Variants in ZNF551 observed in about 807,000 individuals in gnomAD.
ZNF551 encodes the protein zinc finger protein 551, also known as KOX 23 protein (56 AA).
In ZNF551, 5 loss-of-function variants were observed where a neutral mutation model predicts 7.9. That is an observed-to-expected ratio of 0.63 (90% CI 0.33 to 1.33). The LOEUF is 1.33. Ranked by LOEUF, ZNF551 falls within the 40% of genes most tolerant of loss-of-function variation. ZNF551 has a pLI of 0.05. For synonymous variants in ZNF551, 287 were observed against 277.3 expected (o/e 1.03, Z -0.35); for missense variants, 788 against 825.2 (o/e 0.95, Z 0.55).
chr19:57,684,855 A>G (rs1185935230), intron 1 of ZNF551, among the ~76,000 whole-genome samples: 3 of 152,176 alleles, frequency 2.0e-5, no homozygotes, highest in Admixed American at 6.5e-5. Context: ...ACTGAGGGCC[A>G]TATGGGTGAA....
chr19:57,684,107 C>T (rs1261208188), intron 1 of ZNF551, among the ~76,000 whole-genome samples: 1 of 152,094 alleles, frequency 6.6e-6, no homozygotes. Flanking sequence ...ATCTGAGATC[C>T]ACAGGTGATT....
intron 1 of ZNF551, among the ~76,000 whole-genome samples, chr19:57,684,787 C>T (rs1229226158): frequency 1.3e-5 from 2 of 152,080 alleles, no homozygotes; most frequent in South Asian, 2.1e-4. Flanking sequence ...TGTGGGAATG[C>T]AGCTGTGTGA....
Position 57,686,964 on chromosome 19 carries a change from A to G in ZNF551, c.689A>G (p.Lys230Arg). The G allele has an allele frequency of 6.2e-7, 1 of 1,614,192 alleles. No homozygotes were observed. Among genetic ancestry groups the G allele is most frequent in the Non-Finnish European group, 8.5e-7 (1 of 1,180,042 alleles). The change falls in exon 3 of 3, where the codon AAA becomes AGA. Residue 230 changes from lysine (K) to arginine (R), a missense_variant. By Grantham distance (26) the Lys-to-Arg change is conservative (BLOSUM62 2). Transcript: ENST00000282296. ...TATTACAAGTGGGGTGAATACAGAA[A>G]AGCTTCAAGCCACAAACACACACTT... ...KSYYKWGEYRKASSHKHTLVQ... is the reference protein window; with the variant it reads ...KSYYKWGEYRRASSHKHTLVQ...
chr19:57,687,245 C>G lies in ZNF551; in HGVS notation c.970C>G (p.His324Asp). Residue 324 changes from histidine to aspartate, a missense_variant, in exon 3 of 3, where the codon CAC becomes GAC. Physicochemically the swap from His to Asp is moderately conservative, Grantham distance 81 (BLOSUM62 -1). Coordinates refer to ENST00000282296, the MANE Select transcript of ZNF551 (RefSeq NM_138347.5). ...KAFIHKSEFIHHQRRHTGGVR... is the reference protein window; with the variant it reads ...KAFIHKSEFIDHQRRHTGGVR... ...CTTTATCCATAAATCTGAATTCATT[C>G]ACCACCAGAGACGTCACACTGGAGG... is the stretch of plus-strand genomic sequence containing the variant. 1.9e-6 allele frequency: 3 copies of G among 1,614,160 alleles called. No individual in the cohort carries two copies. The highest frequency in any genetic ancestry group is 2.5e-6 in the Non-Finnish European group (3 of 1,180,024).
Position 57,682,243 on chromosome 19 carries a change from A to G in ZNF551, c.80A>G (p.Gln27Arg). 6.5e-7 allele frequency: 1 copy of G among 1,550,356 alleles called. No individual in the cohort carries two copies. Residue 27 changes from glutamine to arginine, a missense_variant and splice_region_variant, in exon 1 of 3, where the codon CAG becomes CGG. Physicochemically the swap from Gln to Arg is conservative, Grantham distance 43. Transcript: ENST00000282296. ...MAAVALRDSA[Q>R]GMTFEDVAIY... ...GCAGTCGCGCTGAGGGACTCGGCTC[A>G]GGTGAGTTGTGCGTCCTCCGGGTCT... is the stretch of plus-strand genomic sequence containing the variant.
Position 57,688,489 on chromosome 19 carries a change from T to G in ZNF551, c.*201T>G. ...AGCCTGATTTATGTCACTGCCAATT[T>G]CTGAGGCTGAAGCCATTTCACATTT... On this transcript the variant is annotated 3_prime_UTR_variant, in exon 3 of 3. Coordinates refer to ENST00000282296, the MANE Select transcript of ZNF551 (RefSeq NM_138347.5). The G allele has an allele frequency of 1.4e-6, 1 of 714,490 alleles. No homozygotes were observed. Among genetic ancestry groups the G allele is most frequent in the Non-Finnish European group, 2.2e-6 (1 of 448,708 alleles). 44.3% of individuals were successfully genotyped at this position (714,490 alleles called of 1,614,324 possible). A position where few individuals can be genotyped will look rare whatever the true frequency, so the allele number is the denominator to read the frequency against.
Position 57,687,234 on chromosome 19 carries a change from C to A in ZNF551, c.959C>A (p.Ser320Tyr), listed in dbSNP as rs751751404. The A allele has an allele frequency of 5.0e-6, 8 of 1,614,146 alleles. No individual in the cohort carries two copies. The highest frequency in any genetic ancestry group is 3.3e-5 in the Admixed American group (2 of 60,018). Residue 320 changes from serine (S) to tyrosine (Y), a missense_variant, in exon 3 of 3, where the codon TCT becomes TAT. By Grantham distance (144) the Ser-to-Tyr change is moderately radical. Coordinates refer to ENST00000282296, the MANE Select transcript of ZNF551 (RefSeq NM_138347.5). ...CGTGAGAAAGCCTTTATCCATAAAT[C>A]TGAATTCATTCACCACCAGAGACGT... Reference protein sequence around the residue: ...SDREKAFIHKSEFIHHQRRHT... With the variant: ...SDREKAFIHKYEFIHHQRRHT...
rs981094662 is a variant in ZNF551 at position 57,685,874 on chromosome 19, C to T, written c.205+489C>T. ...ATCATGGTTGTATTAGAATCATATC[C>T]GGAACCTGTGATGTGTCCAGCAGTA... is the stretch of plus-strand genomic sequence containing the variant. On this transcript the variant is annotated intron_variant, in intron 2 of 2. Transcript: ENST00000282296. 4.6e-5 allele frequency among the ~76,000 whole-genome samples: 7 copies of T among 152,306 alleles called. No individual in the cohort carries two copies. In the East Asian group the frequency reaches 7.7e-4, roughly 17 times the overall value.
rs763790829 is a variant in ZNF551 at position 57,688,177 on chromosome 19, A to G, written c.1902A>G (p.Gln634=). The G allele has an allele frequency of 1.4e-5, 23 of 1,611,106 alleles. No individual in the cohort carries two copies. The highest frequency in any genetic ancestry group is 1.9e-5 in the Non-Finnish European group (22 of 1,179,108). ...ACAAATCAGACCTTATTCAGCACCA[A>G]AGAGTTCACACTGGAGAAAGGCCTT... ...FTHKSDLIQH[Q]RVHTGERPYE... is the part of the protein sequence containing the mutation. Residue 634 remains glutamine (Q), a synonymous_variant, in exon 3 of 3, where the codon CAA becomes CAG. Coordinates refer to ENST00000282296, the MANE Select transcript of ZNF551 (RefSeq NM_138347.5).
At chr19:57,682,924 A>G (rs778952311) in intron 1 of ZNF551, among the ~76,000 whole-genome samples, 1 of 152,268 alleles carries the variant, frequency 6.6e-6, no homozygotes, top group African/African-American at 2.4e-5. Flanking sequence ...AGGTTGTCCA[A>G]GGCAAAGTTA....
chr19:57,683,064 C>G (rs1231235509), intron 1 of ZNF551, among the ~76,000 whole-genome samples: 1 of 152,126 alleles, frequency 6.6e-6, no homozygotes, highest in African/African-American at 2.4e-5. Flanking sequence ...GTTGAGTTGT[C>G]TATTCGTTAC....
In ZNF551 at chr19:57,686,873, C is replaced by G; in HGVS notation, c.598C>G (p.Pro200Ala). The G allele has an allele frequency of 1.9e-6, 3 of 1,614,204 alleles. No homozygotes were observed. Among genetic ancestry groups the G allele is most frequent in the Non-Finnish European group, 2.5e-6 (3 of 1,180,020 alleles). Reference protein sequence around the residue: ...PTDLLQHEATPSGEEPHSSSS... With the variant: ...PTDLLQHEATASGEEPHSSSS... ...GGACCTACTCCAACACGAAGCCACT[C>G]CCAGTGGTGAGGAGCCACACAGTAG... is the stretch of plus-strand genomic sequence containing the variant. The change falls in exon 3 of 3, where the codon CCC becomes GCC. Residue 200 changes from proline to alanine, a missense_variant. Coordinates refer to ENST00000282296, the MANE Select transcript of ZNF551 (RefSeq NM_138347.5).
chr19:57,688,381 A>G lies in ZNF551; in HGVS notation c.*93A>G. 6.7e-7 allele frequency: 1 copy of G among 1,492,692 alleles called. No homozygotes were observed. Among genetic ancestry groups the G allele is most frequent in the South Asian group, 1.3e-5 (1 of 76,564 alleles). The allele number at this position is 1,492,692 out of a possible 1,614,324, so 92.5% of individuals were successfully genotyped here. A position where few individuals can be genotyped will look rare whatever the true frequency, so the allele number is the denominator to read the frequency against. On this transcript the variant is annotated 3_prime_UTR_variant, in exon 3 of 3. Transcript: ENST00000282296. ...TCGTAAATTTAAACTTTGAGCACCC[A>G]CAGTGGGGTATTCTTCATAAGTTTC...
In ZNF551 at chr19:57,688,207, A is replaced by G. The variant is rs1163970866; in HGVS notation, c.1932A>G (p.Glu644=). 1.9e-6 allele frequency: 3 copies of G among 1,614,184 alleles called. No individual in the cohort carries two copies. In the African/African-American group the frequency reaches 4.0e-5, roughly 22 times the overall value. Residue 644 remains glutamate, a synonymous_variant, in exon 3 of 3, where the codon GAA becomes GAG. Coordinates refer to ENST00000282296, the MANE Select transcript of ZNF551 (RefSeq NM_138347.5). ...TTCACACTGGAGAAAGGCCTTATGA[A>G]TGCAGTGAATGTGGGAAATCCTTTA... is the stretch of plus-strand genomic sequence containing the variant. ...QRVHTGERPY[E]CSECGKSFSR...
In ZNF551 at chr19:57,688,260, G is replaced by A. The variant is rs116196856; in HGVS notation, c.1985G>A (p.Arg662Gln). Reference protein sequence around the residue: ...FSRKSNLIRHRRVHTEERP With the variant: ...FSRKSNLIRHQRVHTEERP ...CGCAAATCTAACCTCATTCGACATCGGAGAGTTCACACTGAAGAAAGGCCT... is the reference window on the plus strand; with the variant it reads ...CGCAAATCTAACCTCATTCGACATCAGAGAGTTCACACTGAAGAAAGGCCT... Residue 662 changes from arginine (R) to glutamine (Q), a missense_variant, in exon 3 of 3, where the codon CGG becomes CAG. By Grantham distance (43) the Arg-to-Gln change is conservative (BLOSUM62 1). Transcript: ENST00000282296. 677 of 1,614,114 alleles carry A rather than the reference G, an allele frequency of 4.2e-4. 4 individuals carry two copies. In the African/African-American group the frequency reaches 7.9e-3, roughly 19 times the overall value.
chr19:57,686,510 A>G lies in ZNF551; in HGVS notation c.235A>G (p.Ile79Val). 1 of 1,609,852 alleles carries G rather than the reference A, an allele frequency of 6.2e-7. No homozygotes were observed. Among genetic ancestry groups the G allele is most frequent in the African/African-American group, 1.3e-5 (1 of 74,954 alleles). The change falls in exon 3 of 3, where the codon ATA becomes GTA. Residue 79 changes from isoleucine to valine, a missense_variant. Ile to Val is a conservative substitution (Grantham distance 29). Coordinates refer to ENST00000282296, the MANE Select transcript of ZNF551 (RefSeq NM_138347.5). The part of the protein sequence containing the change: ...GYCHGMENEA[I>V]ASEQSVSIQV... ...TTGCCATGGAATGGAGAATGAGGCG[A>G]TAGCTTCTGAGCAGAGTGTATCTAT...
Position 57,688,272 on chromosome 19 carries a change from C to G in ZNF551, c.1997C>G (p.Thr666Ser), listed in dbSNP as rs201918833. ...SNLIRHRRVH[T>S]EERP ...CTCATTCGACATCGGAGAGTTCACA[C>G]TGAAGAAAGGCCTTAAATGTGAAGG... Residue 666 changes from threonine (T) to serine (S), a missense_variant, in exon 3 of 3, where the codon ACT becomes AGT. Thr to Ser is a moderately conservative substitution (Grantham distance 58). Transcript: ENST00000282296. The G allele has an allele frequency of 1.9e-6, 3 of 1,613,898 alleles. No homozygotes were observed. The highest frequency in any genetic ancestry group is 2.5e-6 in the Non-Finnish European group (3 of 1,179,858).
rs756227382 is a variant in ZNF551 at position 57,687,502 on chromosome 19, TAGA to T, written c.1231_1233del (p.Arg411del). The T allele has an allele frequency of 6.2e-7, 1 of 1,613,728 alleles. No homozygotes were observed. The highest frequency in any genetic ancestry group is 8.5e-7 in the Non-Finnish European group (1 of 1,179,866). On this transcript the variant is annotated inframe_deletion, in exon 3 of 3. Coordinates refer to ENST00000282296, the MANE Select transcript of ZNF551 (RefSeq NM_138347.5). ...GACAAATCTTCAATCTCATTCGACA[TAGA>T]AGAGTTCACACTGGAGAAATGCCTT...
At position 57,682,246 on chromosome 19, in the gene ZNF551, T is replaced by A; in HGVS notation, c.81+2T>A. The A allele has an allele frequency of 1.3e-6, 2 of 1,549,766 alleles. No homozygotes were observed. The highest frequency in any genetic ancestry group is 1.4e-5 in the African/African-American group (1 of 73,046). ...GTCGCGCTGAGGGACTCGGCTCAGGTGAGTTGTGCGTCCTCCGGGTCTCGC... is the reference window on the plus strand; with the variant it reads ...GTCGCGCTGAGGGACTCGGCTCAGGAGAGTTGTGCGTCCTCCGGGTCTCGC... On this transcript the variant is annotated splice_donor_variant, in intron 1 of 2. Coordinates refer to ENST00000282296, the MANE Select transcript of ZNF551 (RefSeq NM_138347.5). LOFTEE classifies it high-confidence loss of function.
Sources: gnomAD v4.1 joint callset for allele counts (sites outside exome capture counted in the v4.1 genomes callset) on GRCh38, gnomAD v4.1.1 for gene constraint, MANE v1.5 for transcripts, NCBI Gene and HGNC (gene_info 2026-07-23, HGNC 2026-07-21) for gene names.